The following VSIR variants were observed in gnomAD, a reference collection of about 807,000 sequenced individuals.
VSIR encodes the protein V-set immunoregulatory receptor.
Under a neutral mutation model 31.0 loss-of-function variants are expected in VSIR, and 10 were observed. The ratio of observed to expected loss-of-function variants is 0.32; its 90% CI spans 0.20 to 0.55. The LOEUF is 0.55. VSIR is among the 20% of genes least tolerant of loss of function. The pLI is 0.93. For synonymous variants in VSIR, 179 were observed against 180.1 expected, an observed-to-expected ratio of 0.99 and a Z score of 0.05; for missense variants, 356 against 416.2, an observed-to-expected ratio of 0.86 and a Z score of 1.26.
At chr10:71,763,304 G>A (rs1406470094) in intron 1 of VSIR, among the ~76,000 whole-genome samples, 4 of 152,190 alleles carry the variant, frequency 2.6e-5, no homozygotes, top group Non-Finnish European at 2.9e-5. Context: ...CACTACGCCC[G>A]GCCAGTGGTA....
intron 3 of VSIR, among the ~76,000 whole-genome samples, chr10:71,760,312 C>T (rs201155512): frequency 0.038 from 4,119 of 108,314 alleles, 653 homozygotes; most frequent in East Asian, 0.26. Flanking sequence ...TATATACACA[C>T]ACATATATAT....
chr10:71,757,643 A>T (rs1382592862), intron 3 of VSIR: 1 of 152,092 alleles, frequency 6.6e-6, no homozygotes, highest in African/African-American at 2.4e-5. Context: ...CCGACACCGC[A>T]CTAAGGAGTG....
intron 3 of VSIR, among the ~76,000 whole-genome samples, chr10:71,760,306 TAC>T (rs142089504): frequency 5.5e-4 from 48 of 86,524 alleles, no homozygotes; most frequent in South Asian, 1.0e-3. Context: ...TATATGTATA[TAC>T]ACACACATAT....
chr10:71,752,010 C>T, intron 5 of VSIR, 149 bp from the exon 6 acceptor site: 1 of 904,970 alleles, frequency 1.1e-6, no homozygotes, highest in Non-Finnish European at 1.8e-6. Context: ...AGGCAGGAGC[C>T]AGGCCCACAG....
chr10:71,750,579 A>T lies in VSIR; in HGVS notation c.*674T>A, dbSNP rs555844380. 1 of 152,532 alleles carries T rather than the reference A, an allele frequency of 6.6e-6. No homozygotes were observed. The highest frequency in any genetic ancestry group is 2.1e-4 in the South Asian group (1 of 4,852). The allele number at this position is 152,532 out of a possible 1,614,324, so 9.4% of individuals were successfully genotyped here. A position where few individuals can be genotyped will look rare whatever the true frequency, so the allele number is the denominator to read the frequency against. Reference sequence around the variant, plus strand: ...AAGACACCATTTGCTCACGGAGGCCACCATGCCCCAATATGTACTTCCCGT... The same window carrying T: ...AAGACACCATTTGCTCACGGAGGCCTCCATGCCCCAATATGTACTTCCCGT... On this transcript the variant is annotated 3_prime_UTR_variant, in exon 7 of 7. Transcript: ENST00000394957.
At chr10:71,752,756 T>G (rs1840037680) in intron 5 of VSIR, among the ~76,000 whole-genome samples, 1 of 151,616 alleles carries the variant, frequency 6.6e-6, no homozygotes, top group Non-Finnish European at 1.5e-5. Context: ...CGAAGGTGGG[T>G]GCATGACACA....
intron 1 of VSIR, among the ~76,000 whole-genome samples, chr10:71,769,572 A>C (rs77919471): frequency 6.6e-6 from 1 of 151,746 alleles, no homozygotes; most frequent in Admixed American, 6.6e-5. Context: ...GGGAAACACC[A>C]TCATGGAATT....
intron 1 of VSIR, among the ~76,000 whole-genome samples, chr10:71,770,325 G>T (rs1840658189): frequency 6.6e-6 from 1 of 152,266 alleles, no homozygotes; most frequent in African/African-American, 2.4e-5. Context: ...AGGGGAACTT[G>T]CTCAGGGAGA....
chr10:71,767,290 A>G (rs1867982), intron 1 of VSIR, among the ~76,000 whole-genome samples: 136,654 of 152,240 alleles, frequency 0.9, 61,604 homozygotes, highest in African/African-American at 0.97. Context: ...TTTTCATGAC[A>G]GGGCGTGAGC....
chr10:71,768,181 T>C (rs1006961097), intron 1 of VSIR, among the ~76,000 whole-genome samples: 9 of 152,142 alleles, frequency 5.9e-5, no homozygotes, highest in African/African-American at 2.2e-4. Flanking sequence ...TTGTTGTTGT[T>C]GTTGTTTGAG....
At chr10:71,756,660 G>A (rs1305366490) in intron 3 of VSIR, among the ~76,000 whole-genome samples, 7 of 152,214 alleles carry the variant, frequency 4.6e-5, no homozygotes, top group Admixed American at 6.5e-5. Context: ...GACTGCAGGA[G>A]TTTAGCTGGG....
In VSIR at chr10:71,748,187, TGTC is replaced by T. The variant is rs1365247010; in HGVS notation, c.*3063_*3065del. 6.6e-6 allele frequency: 1 copy of T among 152,296 alleles called. No individual in the cohort carries two copies. Among genetic ancestry groups the T allele is most frequent in the Non-Finnish European group, 1.5e-5 (1 of 68,176 alleles). 9.4% of individuals were successfully genotyped at this position (152,296 alleles called of 1,614,324 possible). ...TGGTGGCAGGACCCCTGCAGCCCCCTGTCCCACTGCACACTCCCAAGTCCACCC... is the reference window on the plus strand; with the variant it reads ...TGGTGGCAGGACCCCTGCAGCCCCCTCCACTGCACACTCCCAAGTCCACCC... On this transcript the variant is annotated 3_prime_UTR_variant, in exon 7 of 7. Coordinates refer to ENST00000394957, the MANE Select transcript of VSIR (RefSeq NM_022153.2).
intron 1 of VSIR, among the ~76,000 whole-genome samples, chr10:71,768,348 T>C (rs1257928168): frequency 6.6e-6 from 1 of 152,088 alleles, no homozygotes; most frequent in Non-Finnish European, 1.5e-5. Context: ...TTTTTGTATT[T>C]TTAGTAGAGA....
chr10:71,764,098 C>G (rs1224129671), intron 1 of VSIR, among the ~76,000 whole-genome samples: 2 of 152,138 alleles, frequency 1.3e-5, no homozygotes, highest in East Asian at 1.9e-4. Flanking sequence ...CACAGAGACC[C>G]AGAAAGGGAA....
At chr10:71,768,542 C>T (rs1240282266) in intron 1 of VSIR, among the ~76,000 whole-genome samples, 1 of 152,020 alleles carries the variant, frequency 6.6e-6, no homozygotes, top group East Asian at 1.9e-4. Flanking sequence ...ACAATGAGAT[C>T]ATAGCCCACT....
intron 3 of VSIR, among the ~76,000 whole-genome samples, chr10:71,757,931 C>T (rs747385072): frequency 6.6e-6 from 1 of 152,184 alleles, no homozygotes; most frequent in African/African-American, 2.4e-5. Flanking sequence ...TGCAGGAGCT[C>T]CTTGGGCACC....
At chr10:71,768,703 C>T (rs959000868) in intron 1 of VSIR, among the ~76,000 whole-genome samples, 1 of 152,056 alleles carries the variant, frequency 6.6e-6, no homozygotes, top group African/African-American at 2.4e-5. Flanking sequence ...TGGCTTGAAA[C>T]TCCTGGCTTC....
In VSIR at chr10:71,747,752, A is replaced by T. The variant is rs1174009315; in HGVS notation, c.*3501T>A. The T allele has an allele frequency of 6.6e-6, 1 of 152,298 alleles. No individual in the cohort carries two copies. Among genetic ancestry groups the T allele is most frequent in the Non-Finnish European group, 1.5e-5 (1 of 68,054 alleles). 9.4% of individuals were successfully genotyped at this position (152,298 alleles called of 1,614,324 possible). A position where few individuals can be genotyped will look rare whatever the true frequency, so the allele number is the denominator to read the frequency against. On this transcript the variant is annotated 3_prime_UTR_variant, in exon 7 of 7. Coordinates refer to ENST00000394957, the MANE Select transcript of VSIR (RefSeq NM_022153.2). ...CTAACAGAAAAGGCCAAGAAACAGC[A>T]TGCATGCTGCCACTTCCCTCTCCCG...
chr10:71,748,507 G>A lies in VSIR; in HGVS notation c.*2746C>T, dbSNP rs1839909099. 1 of 152,302 alleles carries A rather than the reference G, an allele frequency of 6.6e-6. No homozygotes were observed. The highest frequency in any genetic ancestry group is 1.5e-5 in the Non-Finnish European group (1 of 68,076). The allele number at this position is 152,302 out of a possible 1,614,324, so 9.4% of individuals were successfully genotyped here. A position where few individuals can be genotyped will look rare whatever the true frequency, so the allele number is the denominator to read the frequency against. ...TTCCATTCCTTCAGCCTCTCCCTGGGAGGGAATAAAGGCAGGAAGTCTCTA... is the reference window on the plus strand; with the variant it reads ...TTCCATTCCTTCAGCCTCTCCCTGGAAGGGAATAAAGGCAGGAAGTCTCTA... On this transcript the variant is annotated 3_prime_UTR_variant, in exon 7 of 7. Coordinates refer to ENST00000394957, the MANE Select transcript of VSIR (RefSeq NM_022153.2).
Sources: gnomAD v4.1 joint callset for allele counts (sites outside exome capture counted in the v4.1 genomes callset) on GRCh38, gnomAD v4.1.1 for gene constraint, MANE v1.5 for transcripts, NCBI Gene and HGNC (gene_info 2026-07-23, HGNC 2026-07-21) for gene names.